DYSF: variants seen among roughly 807,000 people sequenced by gnomAD.
DYSF encodes the protein dysferlin.
Under a neutral mutation model 274.9 loss-of-function variants are expected in DYSF, and 212 were observed. The observed-to-expected ratio is 0.77, with a 90% CI of 0.69 to 0.86. The LOEUF (loss-of-function observed/expected upper bound fraction) is 0.86, where lower values mean the gene tolerates loss of function less well. DYSF is among the 40% of genes least tolerant of loss of function. DYSF has a pLI of 0.00. For synonymous variants in DYSF, 1,091 were observed against 1,078.7 expected (o/e 1.01, Z -0.22); for missense variants, 2,666 against 2,783.2 (o/e 0.96, Z 0.95).
intron 4 of DYSF, among the ~76,000 whole-genome samples, chr2:71,507,779 C>T (rs961472533): frequency 1.3e-5 from 2 of 152,236 alleles, no homozygotes; most frequent in African/African-American, 2.4e-5. Flanking sequence ...GGCCACTGCA[C>T]GGAGCCCTGC....
intron 38 of DYSF, 133 bp from the exon 39 acceptor site, chr2:71,612,501 CAGCTCTG>C: frequency 3.8e-6 from 5 of 1,332,962 alleles, no homozygotes; most frequent in Non-Finnish European, 4.2e-6. Context: ...CTCGACTGCC[CAGCTCTG>C]GGCCAGCCAC....
chr2:71,656,027 C>T, intron 42 of DYSF, 135 bp from the exon 43 acceptor site: 1 of 1,210,256 alleles, frequency 8.3e-7, no homozygotes. Flanking sequence ...TCCTTTTCTT[C>T]TTCTCTCTTC....
intron 30 of DYSF, among the ~76,000 whole-genome samples, chr2:71,577,769 G>C (rs1313588335): frequency 6.6e-6 from 1 of 152,190 alleles, no homozygotes; most frequent in African/African-American, 2.4e-5. Context: ...CTGAGCTGCT[G>C]TCTTTGTCCC....
intron 31 of DYSF, among the ~76,000 whole-genome samples, chr2:71,589,999 T>G (rs1024289771): frequency 5.3e-5 from 8 of 152,120 alleles, no homozygotes; most frequent in African/African-American, 1.9e-4. Flanking sequence ...TCCCCAGCCC[T>G]AGGCTGGCCC....
chr2:71,454,493 C>A (rs2080968790), intron 1 of DYSF, among the ~76,000 whole-genome samples: 1 of 152,202 alleles, frequency 6.6e-6, no homozygotes, highest in African/African-American at 2.4e-5. Flanking sequence ...GCTCTCTTCC[C>A]GCCCCGATCT....
chr2:71,501,385 A>G (rs2084952607), intron 3 of DYSF, among the ~76,000 whole-genome samples: 1 of 152,198 alleles, frequency 6.6e-6, no homozygotes, highest in African/African-American at 2.4e-5. Flanking sequence ...AGCTTAAATA[A>G]GTGGCTAGTT....
rs538627934 is a variant in DYSF at position 71,594,242 on chromosome 2, C to T, written c.3574+3954C>T. On this transcript the variant is annotated intron_variant, in intron 32 of 55. Transcript: ENST00000410020. The stretch of plus-strand genomic sequence containing the variant: ...CCAAGTCTGAACTCCAGTCTTCCTT[C>T]CCAACCCCTTTTTAAGCACAGCTTT... Among the ~76,000 whole-genome samples, 117 of 152,308 alleles carry T rather than the reference C, an allele frequency of 7.7e-4. 1 individual carries two copies. Among genetic ancestry groups the T allele is most frequent in the Non-Finnish European group, 2.1e-4 (14 of 68,022 alleles).
intron 41 of DYSF, among the ~76,000 whole-genome samples, chr2:71,621,387 C>G (rs6546707): frequency 0.72 from 108,992 of 151,828 alleles, 41,121 homozygotes; most frequent in East Asian, 0.87. Flanking sequence ...TCTGATTTAT[C>G]TATTTTAAAT....
At position 71,511,708 on chromosome 2, in the gene DYSF, T is replaced by A. The variant is rs531175732; in HGVS notation, c.346-99T>A. 7.3e-6 allele frequency: 6 copies of A among 820,740 alleles called. No homozygotes were observed. The African/African-American group carries it at 8.4e-5, about 12-fold the overall frequency. 50.8% of individuals were successfully genotyped at this position (820,740 alleles called of 1,614,324 possible). On this transcript the variant is annotated intron_variant, in intron 4 of 55. Transcript: ENST00000410020. The stretch of plus-strand genomic sequence containing the variant: ...GCAAACCTGGCTCTTGTCAGAGCCA[T>A]ATTCCTTGGTGGAGGGATGCCAGAA...
chr2:71,539,781 A>AT (rs2089748494), intron 17 of DYSF, among the ~76,000 whole-genome samples: 1 of 152,236 alleles, frequency 6.6e-6, no homozygotes, highest in Non-Finnish European at 1.5e-5. Context: ...TATTTAATAC[A>AT]TGGGTATGTG....
chr2:71,464,812 A>T (rs4353676), upstream of DYSF, among the ~76,000 whole-genome samples: 4 of 152,192 alleles, frequency 2.6e-5, no homozygotes, highest in African/African-American at 9.7e-5. Context: ...CAGGAGACGC[A>T]TTGGGAGTCC....
At chr2:71,597,689 G>A (rs1274517492) in intron 32 of DYSF, among the ~76,000 whole-genome samples, 1 of 152,178 alleles carries the variant, frequency 6.6e-6, no homozygotes, top group Non-Finnish European at 1.5e-5. Context: ...AGTTGTGGCT[G>A]GGTCCCAGGG....
At chr2:71,499,456 A>G (rs1013915616) in intron 3 of DYSF, among the ~76,000 whole-genome samples, 9 of 152,206 alleles carry the variant, frequency 5.9e-5, no homozygotes, top group African/African-American at 2.2e-4. Flanking sequence ...GTTTTAAAAT[A>G]AAATTGTTTT....
intron 7 of DYSF, 32 bp downstream of exon 7, chr2:71,513,953 C>T (rs376412076): frequency 1.5e-5 from 25 of 1,613,294 alleles, no homozygotes; most frequent in Non-Finnish European, 2.0e-5. Context: ...ACCCCAGGCT[C>T]CTCTTCAGCC....
chr2:71,676,208 CT>C (rs1401327424), intron 52 of DYSF, among the ~76,000 whole-genome samples: 1 of 152,050 alleles, frequency 6.6e-6, no homozygotes, highest in African/African-American at 2.4e-5. Flanking sequence ...ATTTTAATGG[CT>C]TTTGAAACAT....
At chr2:71,585,503 GA>G (rs2152837417) in intron 30 of DYSF, among the ~76,000 whole-genome samples, 1 of 152,282 alleles carries the variant, frequency 6.6e-6, no homozygotes, top group East Asian at 1.9e-4. Context: ...GGGTTTTCAA[GA>G]GGCCTTGTTA....
chr2:71,463,303 G>C (rs2081361984), upstream of DYSF, among the ~76,000 whole-genome samples: 1 of 152,232 alleles, frequency 6.6e-6, no homozygotes, highest in South Asian at 2.1e-4. Flanking sequence ...GCTCCACCCT[G>C]GAGTGGGTGA....
At chr2:71,611,793 G>C (rs2093768592) in intron 38 of DYSF, among the ~76,000 whole-genome samples, 167 bp downstream of exon 38, 1 of 152,164 alleles carries the variant, frequency 6.6e-6, no homozygotes, top group African/African-American at 2.4e-5. Flanking sequence ...CTCACTGGAA[G>C]GGTTCAGGCC....
Position 71,543,948 on chromosome 2 carries a change from C to CGGAGAG in DYSF, c.1576+4721_1576+4726dup, listed in dbSNP as rs1380758919. On this transcript the variant is annotated intron_variant, in intron 17 of 55. Coordinates refer to ENST00000410020, the MANE Select transcript of DYSF (RefSeq NM_001130987.2). ...AAGGAGAGGGAGAGGGAGAGGGAGA[C>CGGAGAG]GGAGAGGGAGAGGGAGACGGAGAGG... Among the ~76,000 whole-genome samples, 179 of 142,876 alleles carry CGGAGAG rather than the reference C, an allele frequency of 1.3e-3. 1 individual carries two copies. The highest frequency in any genetic ancestry group is 7.4e-3 in the East Asian group (37 of 4,984). 93.7% of individuals were successfully genotyped at this position (142,876 alleles called of 152,430 possible). A position where few individuals can be genotyped will look rare whatever the true frequency, so the allele number is the denominator to read the frequency against.
Sources: allele counts gnomAD v4.1 joint callset (sites outside exome capture counted in the v4.1 genomes callset), GRCh38; gene constraint gnomAD v4.1.1; transcripts MANE v1.5; gene names NCBI Gene and HGNC (gene_info 2026-07-23, HGNC 2026-07-21).